Variants in MMS22L observed in about 807,000 individuals in gnomAD.
MMS22L encodes MMS22 like, DNA repair protein.
MMS22L carries 74 observed loss-of-function variants against 159.1 expected under a neutral mutation model. The ratio of observed to expected loss-of-function variants is 0.47; its 90% CI spans 0.39 to 0.56. MMS22L has a LOEUF of 0.56. MMS22L is among the 20% of genes least tolerant of loss of function. The pLI is 0.00. For synonymous variants in MMS22L, 517 were observed against 506.9 expected (o/e 1.02, Z -0.27); for missense variants, 1,351 against 1,422.1 (o/e 0.95, Z 0.80).
chr6:97,244,946 G>A (rs909948657), intron 11 of MMS22L, among the ~76,000 whole-genome samples: 2 of 151,940 alleles, frequency 1.3e-5, no homozygotes, highest in Non-Finnish European at 2.9e-5. Flanking sequence ...GGCTGCCTCT[G>A]CTGCTTCATA....
intron 4 of MMS22L, among the ~76,000 whole-genome samples, chr6:97,277,632 T>C (rs9387210): frequency 0.36 from 54,603 of 151,326 alleles, 11,216 homozygotes; most frequent in East Asian, 0.78. Context: ...CTAATTAGGA[T>C]GCTCCCTTTG....
chr6:97,181,686 C>CAA (rs1405010729), intron 16 of MMS22L, among the ~76,000 whole-genome samples: 1 of 151,616 alleles, frequency 6.6e-6, no homozygotes, highest in East Asian at 1.9e-4. Context: ...AAGGGCTTAA[C>CAA]AAACAACTTT....
chr6:97,239,638 T>C (rs1811838708), intron 11 of MMS22L, among the ~76,000 whole-genome samples: 1 of 152,118 alleles, frequency 6.6e-6, no homozygotes, highest in East Asian at 1.9e-4. Flanking sequence ...TCAGGCTGGG[T>C]GCGGTGGCTC....
intron 7 of MMS22L, among the ~76,000 whole-genome samples, 192 bp from the exon 8 acceptor site, chr6:97,268,194 T>C (rs933101972): frequency 1.3e-5 from 2 of 150,748 alleles, no homozygotes; most frequent in Non-Finnish European, 3.0e-5. Flanking sequence ...AAGTTTCTTT[T>C]TTTTTTTTTT....
At chr6:97,178,335 T>C in intron 18 of MMS22L, 108 bp downstream of exon 18, 3 of 844,668 alleles carry the variant, frequency 3.6e-6, no homozygotes, top group Non-Finnish European at 3.5e-6. Flanking sequence ...AATAATATGA[T>C]TCAATTTATA....
rs2128274966 is a variant in MMS22L at position 97,182,009 on chromosome 6, T to C, written c.2279A>G (p.Asp760Gly). The C allele has an allele frequency of 1.2e-6, 2 of 1,613,746 alleles. No homozygotes were observed. The highest frequency in any genetic ancestry group is 1.7e-6 in the Non-Finnish European group (2 of 1,179,762). ...TGATATAACTGGCTGAGGCTGAAAA[T>C]CTGATGGAGCTGTGCTTGGCATGTC... The part of the protein sequence containing the change: ...AMDMPSTAPS[D>G]FQPQPVISII... Residue 760 changes from aspartate (D) to glycine (G), a missense_variant, in exon 16 of 25, where the codon GAT becomes GGT. Transcript: ENST00000683635.
intron 14 of MMS22L, among the ~76,000 whole-genome samples, chr6:97,193,967 T>G (rs1399094541): frequency 6.6e-6 from 1 of 152,104 alleles, no homozygotes; most frequent in Non-Finnish European, 1.5e-5. Context: ...TTCACCGTGT[T>G]AGCCAGGATG....
chr6:97,175,264 C>G (rs1406034894), intron 18 of MMS22L, among the ~76,000 whole-genome samples: 1 of 152,092 alleles, frequency 6.6e-6, no homozygotes, highest in East Asian at 1.9e-4. Context: ...TTATGCCTGA[C>G]TTAATAAAAG....
At chr6:97,202,697 G>A (rs1277122292) in intron 14 of MMS22L, among the ~76,000 whole-genome samples, 2 of 152,056 alleles carry the variant, frequency 1.3e-5, no homozygotes, top group African/African-American at 4.8e-5. Context: ...TGACTCCAAA[G>A]CATTTTTCAC....
chr6:97,256,515 CTTTAT>C (rs976116169), intron 9 of MMS22L, among the ~76,000 whole-genome samples: 1 of 152,094 alleles, frequency 6.6e-6, no homozygotes, highest in African/African-American at 2.4e-5. Flanking sequence ...ATGAAAATAG[CTTTAT>C]TTTACCTCAC....
At chr6:97,161,923 A>G in intron 22 of MMS22L, 79 bp downstream of exon 22, 3 of 1,334,134 alleles carry the variant, frequency 2.2e-6, no homozygotes, top group Non-Finnish European at 3.1e-6. Context: ...TTTTGTAACT[A>G]TCCATTAAAT....
At chr6:97,270,680 A>T (rs1231228989) in intron 6 of MMS22L, 1 of 154,930 alleles carries the variant, frequency 6.5e-6, no homozygotes, top group African/African-American at 2.4e-5. Flanking sequence ...CTTATTAGGT[A>T]TACAAACAAA....
rs76475946 is a variant in MMS22L, at chr6:97,227,353, T to C, written c.2039+1541A>G. On this transcript the variant is annotated intron_variant, in intron 14 of 24. Coordinates refer to ENST00000683635, the MANE Select transcript of MMS22L (RefSeq NM_001350599.2). ...CTTATTCCTATGCTCTGACATCTTT[T>C]GGGGACTATAGTTCTCCATGACCAG... Among the ~76,000 whole-genome samples the C allele has an allele frequency of 4.4e-3, 665 of 152,312 alleles. 3 individuals carry two copies. The highest frequency in any genetic ancestry group is 0.015 in the African/African-American group (616 of 41,564).
chr6:97,232,970 T>G (rs1811023779), intron 12 of MMS22L, among the ~76,000 whole-genome samples: 1 of 152,056 alleles, frequency 6.6e-6, no homozygotes, highest in South Asian at 2.1e-4. Context: ...TCTAAATATA[T>G]TGTTCCTATT....
chr6:97,258,564 C>T (rs1814086253), intron 9 of MMS22L: 1 of 152,078 alleles, frequency 6.6e-6, no homozygotes, highest in Non-Finnish European at 1.5e-5. Context: ...GTATTGCATA[C>T]TATAACAAAT....
chr6:97,231,783 C>T (rs1002453037), intron 12 of MMS22L, 131 bp from the exon 13 acceptor site: 8 of 654,838 alleles, frequency 1.2e-5, no homozygotes, highest in East Asian at 5.5e-5. Flanking sequence ...TACATGAACA[C>T]GATTCTCTAA....
chr6:97,266,559 C>T (rs1815140707), intron 8 of MMS22L: 1 of 152,186 alleles, frequency 6.6e-6, no homozygotes, highest in Non-Finnish European at 1.5e-5. Context: ...ACTTTTTCAG[C>T]CTACTACTGC....
rs9374435 is a variant in MMS22L at position 97,233,908 on chromosome 6, T to C, written c.1255A>G (p.Asn419Asp). 650 of 1,611,858 alleles carry C rather than the reference T, an allele frequency of 4.0e-4. 5 individuals carry two copies. The East Asian group carries it at 0.013, about 31-fold the overall frequency. The change falls in exon 12 of 25, where the codon AAC becomes GAC. Residue 419 changes from asparagine to aspartate, a missense_variant. Transcript: ENST00000683635. Reference protein sequence around the residue: ...CLTLCDFWEPNIAIVTILWEY... With the variant: ...CLTLCDFWEPDIAIVTILWEY... The stretch of plus-strand genomic sequence containing the variant: ...CATAAAATGGTAACAATTGCAATGT[T>C]TGGCTCCCAGAAATCACAAAGTGTC...
intron 21 of MMS22L, among the ~76,000 whole-genome samples, chr6:97,164,311 G>T (rs1802740778): frequency 6.6e-6 from 1 of 150,942 alleles, no homozygotes; most frequent in Non-Finnish European, 1.5e-5. Flanking sequence ...ATATTATTGG[G>T]TCATTAAAAA....
Sources: gnomAD v4.1 joint callset for allele counts (sites outside exome capture counted in the v4.1 genomes callset) on GRCh38, gnomAD v4.1.1 for gene constraint, MANE v1.5 for transcripts, NCBI Gene and HGNC (gene_info 2026-07-23, HGNC 2026-07-21) for gene names.